ADAMTS9: variants seen among roughly 807,000 people sequenced by gnomAD.
ADAMTS9 encodes the protein A disintegrin and metalloproteinase with thrombospondin motifs 9.
Under a neutral mutation model 257.1 loss-of-function variants are expected in ADAMTS9, and 107 were observed. That is an observed-to-expected ratio of 0.42 (90% confidence interval 0.36 to 0.49). The LOEUF (loss-of-function observed/expected upper bound fraction) is 0.49. Among genes scored for constraint, ADAMTS9 ranks in the 20% least tolerant of loss-of-function variants. The probability of loss-of-function intolerance (pLI) is 0.03; values close to 1 mark genes in which losing one functional copy is unlikely to be tolerated. For missense variants in ADAMTS9, 2,353 were observed against 2,469.1 expected (o/e 0.95, Z 1.00); for synonymous variants, 982 against 880.9 (o/e 1.11, Z -2.03).
intron 28 of ADAMTS9, among the ~76,000 whole-genome samples, chr3:64,577,353 A>G (rs2083880971): frequency 6.6e-6 from 1 of 152,162 alleles, no homozygotes; most frequent in South Asian, 2.1e-4. Context: ...TTCCCTTTCA[A>G]GGTTTACCGG....
At chr3:64,519,605 C>T (rs1477212604) in intron 39 of ADAMTS9, among the ~76,000 whole-genome samples, 5 of 152,272 alleles carry the variant, frequency 3.3e-5, no homozygotes, top group African/African-American at 4.8e-5. Flanking sequence ...CTACCATGAT[C>T]GAGTGGACTT....
chr3:64,682,103 G>GT (rs769404246), intron 2 of ADAMTS9, among the ~76,000 whole-genome samples: 2 of 152,132 alleles, frequency 1.3e-5, no homozygotes, highest in Non-Finnish European at 2.9e-5. Context: ...AAATAGGGGA[G>GT]TGATGTCCTG....
At chr3:64,596,088 G>A (rs1372824228) in intron 27 of ADAMTS9, among the ~76,000 whole-genome samples, 1 of 152,138 alleles carries the variant, frequency 6.6e-6, no homozygotes, top group East Asian at 1.9e-4. Flanking sequence ...GATGTGCTAC[G>A]CATTTGATAG....
intron 38 of ADAMTS9, among the ~76,000 whole-genome samples, chr3:64,527,231 G>A (rs1158545837): frequency 1.3e-5 from 2 of 152,072 alleles, no homozygotes; most frequent in African/African-American, 2.4e-5. Flanking sequence ...ATCTCTTTTC[G>A]ATGATTATTT....
At position 64,596,905 on chromosome 3, in the gene ADAMTS9, C is replaced by T. The variant is rs985262366; in HGVS notation, c.4104G>A (p.Glu1368=). The change falls in exon 27 of 40, where the codon GAG becomes GAA. Residue 1368 remains glutamate (E), a synonymous_variant. Coordinates refer to ENST00000498707, the MANE Select transcript of ADAMTS9 (RefSeq NM_182920.2). Reference sequence around the variant, plus strand: ...CTCTTTGCTCATCAGGTTTTATTCTCTCCACACAGTCGTTTGCGGTGTATC... The same window carrying T: ...CTCTTTGCTCATCAGGTTTTATTCTTTCCACACAGTCGTTTGCGGTGTATC... The part of the protein sequence containing the change: ...ENGYTANDCV[E]RIKPDEQRAC... 1.7e-5 allele frequency: 28 copies of T among 1,613,920 alleles called. No homozygotes were observed. The highest frequency in any genetic ancestry group is 2.3e-5 in the Non-Finnish European group (27 of 1,179,992).
At chr3:64,574,816 C>T (rs1045586328) in intron 28 of ADAMTS9, among the ~76,000 whole-genome samples, 4 of 152,212 alleles carry the variant, frequency 2.6e-5, no homozygotes, top group Admixed American at 1.3e-4. Context: ...CAACCAGTTG[C>T]TCACCTCTAC....
At chr3:64,634,662 A>T (rs148540257) in intron 12 of ADAMTS9, among the ~76,000 whole-genome samples, 284 of 152,310 alleles carry the variant, frequency 1.9e-3, no homozygotes, top group African/African-American at 6.5e-3. Context: ...AGCATGCCAA[A>T]TTCATCATGG....
chr3:64,543,329 G>C (rs2083152988), intron 32 of ADAMTS9, among the ~76,000 whole-genome samples: 1 of 152,168 alleles, frequency 6.6e-6, no homozygotes, highest in East Asian at 1.9e-4. Flanking sequence ...GAGAATTTTA[G>C]ACCAATATCC....
At chr3:64,550,545 A>G in intron 31 of ADAMTS9, 1 of 223,832 alleles carries the variant, frequency 4.5e-6, no homozygotes, top group Non-Finnish European at 8.8e-6. Flanking sequence ...TATCCCTGGC[A>G]CTACAGTATT....
At chr3:64,643,403 C>T (rs1700706113) in intron 11 of ADAMTS9, among the ~76,000 whole-genome samples, 1 of 149,096 alleles carries the variant, frequency 6.7e-6, no homozygotes, top group South Asian at 2.1e-4. Flanking sequence ...CTATCTAACA[C>T]ATTGTTATTT....
chr3:64,669,654 C>T lies in ADAMTS9; in HGVS notation c.680-10863G>A, dbSNP rs76196997. Reference sequence around the variant, plus strand: ...AGGGGCAAAACCCAACAGAGATTCCCCCTGAGCCACTGTCACTGTCAGAAA... The same window carrying T: ...AGGGGCAAAACCCAACAGAGATTCCTCCTGAGCCACTGTCACTGTCAGAAA... On this transcript the variant is annotated intron_variant, in intron 3 of 39. Transcript: ENST00000498707. Among the ~76,000 whole-genome samples, 64 of 152,130 alleles carry T rather than the reference C, an allele frequency of 4.2e-4. No homozygotes were observed. In the East Asian group the frequency reaches 0.012, roughly 28 times the overall value.
intron 30 of ADAMTS9, among the ~76,000 whole-genome samples, chr3:64,557,438 T>C (rs988754913): frequency 6.6e-6 from 1 of 152,206 alleles, no homozygotes; most frequent in Non-Finnish European, 1.5e-5. Flanking sequence ...CTTTTTTAAC[T>C]TTTTTCTTCC....
chr3:64,529,217 C>T (rs573613098), intron 38 of ADAMTS9, among the ~76,000 whole-genome samples: 1 of 152,280 alleles, frequency 6.6e-6, no homozygotes, highest in Non-Finnish European at 1.5e-5. Context: ...AGAAAGAGTG[C>T]TCTCCATTGT....
intron 8 of ADAMTS9, 86 bp downstream of exon 8, chr3:64,654,267 G>T: frequency 7.4e-7 from 1 of 1,348,500 alleles, no homozygotes; most frequent in Non-Finnish European, 1.0e-6. Context: ...TTACACACTC[G>T]AAAGTCAAGT....
intron 29 of ADAMTS9, among the ~76,000 whole-genome samples, chr3:64,562,106 C>A (rs944370285): frequency 2.0e-5 from 3 of 152,132 alleles, no homozygotes; most frequent in African/African-American, 7.2e-5. Context: ...TGATTTCTAT[C>A]CTGGAGGATT....
chr3:64,605,413 G>A (rs865933661), intron 23 of ADAMTS9, among the ~76,000 whole-genome samples: 1 of 152,188 alleles, frequency 6.6e-6, no homozygotes, highest in South Asian at 2.1e-4. Context: ...CACATATGTT[G>A]GTTAATTGAT....
intron 31 of ADAMTS9, among the ~76,000 whole-genome samples, chr3:64,549,206 G>C (rs1369365612): frequency 6.6e-6 from 1 of 152,138 alleles, no homozygotes; most frequent in African/African-American, 2.4e-5. Context: ...TAAATTTGCA[G>C]ACTTTTCAAT....
intron 29 of ADAMTS9, among the ~76,000 whole-genome samples, chr3:64,564,330 G>A (rs977524074): frequency 2.0e-5 from 3 of 152,168 alleles, no homozygotes; most frequent in African/African-American, 7.2e-5. Context: ...TAGAGAGAAA[G>A]AATCTCCATT....
intron 28 of ADAMTS9, among the ~76,000 whole-genome samples, chr3:64,593,748 T>C (rs1210652345): frequency 2.0e-5 from 3 of 152,162 alleles, no homozygotes; most frequent in Non-Finnish European, 4.4e-5. Flanking sequence ...TTTAAATGAT[T>C]TTAGTCTATT....
Sources: gnomAD v4.1 joint callset for allele counts (sites outside exome capture counted in the v4.1 genomes callset) on GRCh38, gnomAD v4.1.1 for gene constraint, MANE v1.5 for transcripts, NCBI Gene and HGNC (gene_info 2026-07-23, HGNC 2026-07-21) for gene names.